Variants in MRTFB observed in about 807,000 individuals in gnomAD.
MRTFB encodes myocardin-related transcription factor B.
MRTFB carries 29 observed loss-of-function variants against 104.2 expected under a neutral mutation model. The ratio of observed to expected loss-of-function variants is 0.28; its 90% CI spans 0.21 to 0.38. The LOEUF is 0.38. Among genes scored for constraint, MRTFB ranks in the 10% least tolerant of loss-of-function variants. The pLI, the probability that MRTFB is intolerant of heterozygous loss-of-function variation, is 1.00. For missense variants in MRTFB, 1,270 were observed against 1,341.6 expected, an observed-to-expected ratio of 0.95 and a Z score of 0.83; for synonymous variants, 535 against 519.5, an observed-to-expected ratio of 1.03 and a Z score of -0.41.
At chr16:14,114,737 G>A (rs1422371956) in intron 2 of MRTFB, among the ~76,000 whole-genome samples, 1 of 152,130 alleles carries the variant, frequency 6.6e-6, no homozygotes, top group East Asian at 1.9e-4. Context: ...GGACGTCTTT[G>A]TAGATTCCTT....
chr16:14,256,992 T>C (rs2043521265), intron 15 of MRTFB, among the ~76,000 whole-genome samples: 1 of 152,162 alleles, frequency 6.6e-6, no homozygotes, highest in Non-Finnish European at 1.5e-5. Flanking sequence ...GAAGAGATGC[T>C]CAACATCATT....
intron 15 of MRTFB, among the ~76,000 whole-genome samples, chr16:14,256,722 A>G (rs1188232337): frequency 5.9e-5 from 9 of 152,170 alleles, no homozygotes; most frequent in Non-Finnish European, 1.2e-4. Context: ...AGCCAGAACC[A>G]CCCATCAAAA....
chr16:14,000,829 C>G, the MRTFB span, among the ~76,000 whole-genome samples: 1 of 152,250 alleles, frequency 6.6e-6, no homozygotes, highest in Non-Finnish European at 1.5e-5. Context: ...AGAAGGGTGG[C>G]TGGGACGACA....
intron 13 of MRTFB, among the ~76,000 whole-genome samples, chr16:14,250,963 G>T (rs1028097281): frequency 1.3e-5 from 2 of 152,164 alleles, no homozygotes; most frequent in Non-Finnish European, 2.9e-5. Flanking sequence ...GAGAAAAATC[G>T]TTTGGAATAT....
chr16:14,037,424 T>G, the MRTFB span, among the ~76,000 whole-genome samples: 1 of 152,166 alleles, frequency 6.6e-6, no homozygotes, highest in African/African-American at 2.4e-5. Flanking sequence ...GACACCCAGA[T>G]GGAGCTGTCC....
At chr16:14,079,413 C>T in intron 2 of MRTFB, 59 bp downstream of exon 2, 1 of 332,290 alleles carries the variant, frequency 3.0e-6, no homozygotes, top group Non-Finnish European at 5.5e-6. Context: ...CTTTCTTTTA[C>T]CTCCTCTTAC....
At chr16:14,160,460 A>G (rs1378945925) in intron 3 of MRTFB, among the ~76,000 whole-genome samples, 1 of 152,198 alleles carries the variant, frequency 6.6e-6, no homozygotes, top group Non-Finnish European at 1.5e-5. Context: ...TTAAGGTGGC[A>G]TTACCCTGTT....
At chr16:14,218,767 C>G in intron 7 of MRTFB, 53 bp from the exon 8 acceptor site, 1 of 1,508,760 alleles carries the variant, frequency 6.6e-7, no homozygotes, top group South Asian at 1.3e-5. Context: ...TCACATTAAG[C>G]TTGGTATTCC....
At position 14,245,179 on chromosome 16, in the gene MRTFB, G is replaced by A. The variant is rs118020182; in HGVS notation, c.1080-349G>A. ...TTTGCTGGGGCTCTCTCATTTGCCT[G>A]TTGTTCTGTCCCTGTATCAGCAACA... is the stretch of plus-strand genomic sequence containing the variant. On this transcript the variant is annotated intron_variant, in intron 10 of 16. Transcript: ENST00000571589. Among the ~76,000 whole-genome samples, 1,324 of 152,296 alleles carry A rather than the reference G, an allele frequency of 8.7e-3. 9 individuals are homozygous for A. Among genetic ancestry groups the A allele is most frequent in the Non-Finnish European group, 0.014 (932 of 68,014 alleles).
intron 15 of MRTFB, among the ~76,000 whole-genome samples, chr16:14,256,453 G>A (rs938593807): frequency 2.0e-5 from 3 of 152,184 alleles, no homozygotes; most frequent in Non-Finnish European, 1.5e-5. Context: ...CAGAGGTGAT[G>A]GTGTGTGACT....
intron 2 of MRTFB, among the ~76,000 whole-genome samples, chr16:14,080,401 CAT>C (rs1442073990): frequency 2.0e-5 from 3 of 152,118 alleles, no homozygotes; most frequent in African/African-American, 4.8e-5. Flanking sequence ...TTGTGTACCA[CAT>C]GTTTTGAAGT....
upstream of MRTFB, among the ~76,000 whole-genome samples, chr16:14,070,295 C>G (rs750871564): frequency 1.3e-5 from 2 of 152,230 alleles, no homozygotes; most frequent in Non-Finnish European, 1.5e-5. Context: ...TCTCCACCTC[C>G]AGGATTGCAA....
chr16:14,023,758 C>T, the MRTFB span, among the ~76,000 whole-genome samples: 3 of 151,472 alleles, frequency 2.0e-5, no homozygotes, highest in Non-Finnish European at 4.4e-5. Context: ...TAGAACTGTG[C>T]CTGGCACAAG....
intron 6 of MRTFB, 117 bp downstream of exon 6, chr16:14,213,737 C>T (rs2041295877): frequency 1.4e-6 from 1 of 725,140 alleles, no homozygotes. Flanking sequence ...CTTACTTCCT[C>T]CAAACTGGAT....
intron 3 of MRTFB, among the ~76,000 whole-genome samples, chr16:14,172,907 C>T (rs1198081868): frequency 6.6e-6 from 1 of 152,128 alleles, no homozygotes; most frequent in African/African-American, 2.4e-5. Flanking sequence ...AGCCTTTCCT[C>T]TTCAGTATGT....
intron 3 of MRTFB, 25 bp downstream of exon 3, chr16:14,140,785 T>A (rs377312256): frequency 1.2e-6 from 2 of 1,613,334 alleles, no homozygotes; most frequent in Admixed American, 3.3e-5. Flanking sequence ...TGCAATGGGA[T>A]CTTTGATTTA....
chr16:14,006,801 A>G, the MRTFB span, among the ~76,000 whole-genome samples: 1 of 151,748 alleles, frequency 6.6e-6, no homozygotes, highest in East Asian at 2.0e-4. Flanking sequence ...GGATTACTTG[A>G]GCCAAGGAGT....
the MRTFB span, among the ~76,000 whole-genome samples, chr16:13,998,594 T>C: frequency 2.0e-5 from 3 of 150,882 alleles, no homozygotes; most frequent in Admixed American, 2.0e-4. Flanking sequence ...TGCAGTGAGC[T>C]ATGATCACAC....
chr16:14,021,203 A>T, the MRTFB span: 1 of 152,210 alleles, frequency 6.6e-6, no homozygotes, highest in African/African-American at 2.4e-5. Context: ...TCTCACAAGG[A>T]TAAGATCAAT....
Sources: gnomAD v4.1 joint callset for allele counts (sites outside exome capture counted in the v4.1 genomes callset) on GRCh38, gnomAD v4.1.1 for gene constraint, MANE v1.5 for transcripts, NCBI Gene and HGNC (gene_info 2026-07-23, HGNC 2026-07-21) for gene names.